The following DNAI3 variants were observed in gnomAD, a reference collection of about 807,000 sequenced individuals.
DNAI3 encodes the protein WD repeat domain 63.
Under a neutral mutation model 115.5 loss-of-function variants are expected in DNAI3, and 83 were observed. That is an observed-to-expected ratio of 0.72 (90% CI 0.60 to 0.86). The LOEUF is 0.86. Among genes scored for constraint, DNAI3 ranks in the 40% least tolerant of loss-of-function variants. The pLI is 0.00. For missense variants in DNAI3, 1,004 were observed against 1,075.8 expected, an observed-to-expected ratio of 0.93 and a Z score of 0.93; for synonymous variants, 320 against 347.0, an observed-to-expected ratio of 0.92 and a Z score of 0.86.
intron 3 of DNAI3, among the ~76,000 whole-genome samples, chr1:85,076,798 A>T (rs1160428254): frequency 1.3e-5 from 2 of 152,166 alleles, no homozygotes; most frequent in African/African-American, 4.8e-5. Context: ...AAGTTTCAGG[A>T]ATTAGGACAT....
chr1:85,082,598 C>T (rs1571163440), intron 5 of DNAI3, among the ~76,000 whole-genome samples, 194 bp downstream of exon 5: 1 of 152,240 alleles, frequency 6.6e-6, no homozygotes, highest in South Asian at 2.1e-4. Flanking sequence ...GCGTGCACCA[C>T]CACGTCAAGC....
At chr1:85,091,118 T>C (rs953786839) in intron 8 of DNAI3, among the ~76,000 whole-genome samples, 2 of 152,160 alleles carry the variant, frequency 1.3e-5, no homozygotes, top group Admixed American at 6.5e-5. Flanking sequence ...GCAGGAAGGA[T>C]GCTATAATTT....
Position 85,108,186 on chromosome 1 carries a change from T to C in DNAI3, c.1698+9T>C, listed in dbSNP as rs1253977631. 1 of 1,579,118 alleles carries C rather than the reference T, an allele frequency of 6.3e-7. No individual in the cohort carries two copies. The highest frequency in any genetic ancestry group is 1.2e-5 in the South Asian group (1 of 83,572). On this transcript the variant is annotated intron_variant, in intron 15 of 22. Transcript: ENST00000294664. ...GGAAACCTCTCACTAAGGTAAGTAA[T>C]GTGGGGTTTTTAGTCCATCCTGCTT...
At chr1:85,096,046 A>G in intron 11 of DNAI3, 26 bp downstream of exon 11, 1 of 1,598,146 alleles carries the variant, frequency 6.3e-7, no homozygotes, top group African/African-American at 1.3e-5. Flanking sequence ...TTTTTCAGCT[A>G]TGTATTAATG....
At chr1:85,114,156 G>T (rs1179452993) in intron 16 of DNAI3, among the ~76,000 whole-genome samples, 2 of 151,864 alleles carry the variant, frequency 1.3e-5, no homozygotes, top group Non-Finnish European at 2.9e-5. Context: ...GGGACCACAG[G>T]CATGTACCAC....
intron 1 of DNAI3, among the ~76,000 whole-genome samples, chr1:85,063,853 T>A (rs190568352): frequency 4.1e-4 from 62 of 152,326 alleles, no homozygotes; most frequent in East Asian, 1.2e-3. Context: ...TGGATTTTTT[T>A]AATTACATAT....
At chr1:85,109,547 T>C (rs942371701) in intron 15 of DNAI3, among the ~76,000 whole-genome samples, 1 of 152,036 alleles carries the variant, frequency 6.6e-6, no homozygotes, top group Non-Finnish European at 1.5e-5. Context: ...GAGGGAAAAC[T>C]GTGAAGTGTG....
At chr1:85,110,210 G>A (rs1338497783) in intron 16 of DNAI3, 75 bp downstream of exon 16, 6 of 1,322,756 alleles carry the variant, frequency 4.5e-6, no homozygotes, top group African/African-American at 4.5e-5. Context: ...CCAGCACTTC[G>A]GGAGGCTGAG....
At chr1:85,093,990 CCTTT>C (rs1483525952) in intron 9 of DNAI3, 1 of 469,674 alleles carries the variant, frequency 2.1e-6, no homozygotes, top group Non-Finnish European at 4.1e-6. Context: ...CCTAACACTG[CCTTT>C]CTGATTACTA....
intron 16 of DNAI3, among the ~76,000 whole-genome samples, 177 bp downstream of exon 16, chr1:85,110,312 T>G (rs963965082): frequency 6.6e-5 from 10 of 151,456 alleles, no homozygotes; most frequent in African/African-American, 1.7e-4. Flanking sequence ...TTAGCCGGGC[T>G]TAGTGGCGGG....
At chr1:85,099,704 C>A (rs1417093423) in intron 13 of DNAI3, among the ~76,000 whole-genome samples, 1 of 152,210 alleles carries the variant, frequency 6.6e-6, no homozygotes, top group Admixed American at 6.5e-5. Context: ...AGGCATCACG[C>A]TACCTGACTT....
At chr1:85,129,767 C>T (rs894028445) in intron 21 of DNAI3, among the ~76,000 whole-genome samples, 1 of 152,114 alleles carries the variant, frequency 6.6e-6, no homozygotes, top group Non-Finnish European at 1.5e-5. Flanking sequence ...CCTGTGAATA[C>T]AATTTCCAAA....
At chr1:85,128,639 C>G in intron 20 of DNAI3, 69 bp from the exon 21 acceptor site, 3 of 1,313,874 alleles carry the variant, frequency 2.3e-6, no homozygotes, top group Non-Finnish European at 3.2e-6. Flanking sequence ...AAACATACTT[C>G]ATGTTTAACT....
chr1:85,128,846 G>A (rs1240646876), intron 21 of DNAI3, 47 bp downstream of exon 21: 1 of 1,518,476 alleles, frequency 6.6e-7, no homozygotes, highest in Non-Finnish European at 9.1e-7. Context: ...ACCAGATATT[G>A]CTGAGATATG....
At position 85,093,628 on chromosome 1, in the gene DNAI3, C is replaced by G. The variant is rs138523659; in HGVS notation, c.1028C>G (p.Ser343Ter). 37 of 1,613,992 alleles carry G rather than the reference C, an allele frequency of 2.3e-5. 1 individual carries two copies. The highest frequency in any genetic ancestry group is 3.1e-5 in the Non-Finnish European group (36 of 1,179,964). ...ACGGAGAAAATGATTACCTGTGTCT[C>G]ATGGCATCCAACTATCTATGGTGAG... ...SPTEKMITCV[S>*]WHPTIYGLIA... The change falls in exon 9 of 23, where the codon TCA (serine) becomes TGA (stop). Residue 343 changes from serine to a stop codon, truncating the protein, a stop_gained. Coordinates refer to ENST00000294664, the MANE Select transcript of DNAI3 (RefSeq NM_145172.5). LOFTEE classifies it high-confidence loss of function.
chr1:85,124,063 A>C, intron 18 of DNAI3, 58 bp from the exon 19 acceptor site: 3 of 1,604,444 alleles, frequency 1.9e-6, no homozygotes, highest in Non-Finnish European at 2.6e-6. Flanking sequence ...TCCATTCCTC[A>C]CTGCAGGAAT....
rs57553075 is a variant in DNAI3 at position 85,066,314 on chromosome 1, C to CTTTTTTTT, written c.-15+3847_-15+3854dup. Among the ~76,000 whole-genome samples the CTTTTTTTT allele has an allele frequency of 2.9e-4, 20 of 70,034 alleles. 6 individuals carry two copies. Among genetic ancestry groups the CTTTTTTTT allele is most frequent in the African/African-American group, 4.3e-4 (7 of 16,306 alleles). 45.9% of individuals were successfully genotyped at this position (70,034 alleles called of 152,430 possible). ...TAGACGAATTATCTCTTCTGCTACTCTTTTTTTTTTTTTTTTTTTTTTTTT... is the reference window on the plus strand; with the variant it reads ...TAGACGAATTATCTCTTCTGCTACTCTTTTTTTTTTTTTTTTTTTTTTTTTTTTTTTTT... On this transcript the variant is annotated intron_variant, in intron 1 of 22. Coordinates refer to ENST00000294664, the MANE Select transcript of DNAI3 (RefSeq NM_145172.5).
At chr1:85,114,063 G>C (rs1433923875) in intron 16 of DNAI3, among the ~76,000 whole-genome samples, 1 of 137,242 alleles carries the variant, frequency 7.3e-6, no homozygotes, top group Non-Finnish European at 1.5e-5. Context: ...GCCCAGGCTA[G>C]AGTGCAGTGG....
chr1:85,097,447 C>A, intron 11 of DNAI3, 122 bp from the exon 12 acceptor site: 1 of 679,842 alleles, frequency 1.5e-6, no homozygotes, highest in Non-Finnish European at 2.2e-6. Context: ...AAGATATAAG[C>A]TACATTTGAT....
Sources: gnomAD v4.1 joint callset for allele counts (sites outside exome capture counted in the v4.1 genomes callset) on GRCh38, gnomAD v4.1.1 for gene constraint, MANE v1.5 for transcripts, NCBI Gene and HGNC (gene_info 2026-07-23, HGNC 2026-07-21) for gene names.